The following PRDM10 variants were observed in gnomAD, a reference collection of about 807,000 sequenced individuals.
PRDM10 encodes the protein PR domain zinc finger protein 10.
Under a neutral mutation model 133.1 loss-of-function variants are expected in PRDM10, and 65 were observed. The observed-to-expected ratio is 0.49, with a 90% CI of 0.40 to 0.60. The LOEUF (loss-of-function observed/expected upper bound fraction) is 0.60, where lower values mean the gene tolerates loss of function less well. Among genes scored for constraint, PRDM10 ranks in the 20% least tolerant of loss-of-function variants. The pLI is 0.00. For synonymous variants in PRDM10, 582 were observed against 580.4 expected, an observed-to-expected ratio of 1.00 and a Z score of -0.04; for missense variants, 1,137 against 1,507.1, an observed-to-expected ratio of 0.75 and a Z score of 4.07.
rs1951439729 is a variant in PRDM10 at position 129,947,086 on chromosome 11, G to A, written c.520+59C>T. On this transcript the variant is annotated intron_variant, in intron 5 of 20. Coordinates refer to ENST00000360871, the MANE Select transcript of PRDM10 (RefSeq NM_199437.2). The surrounding 1 kb of genome is among the most constrained non-coding windows in gnomAD (Gnocchi z 4.6). ...GAGCTATGTTCACACACACGCACAC[G>A]TACACAGACACACAAGATGGACACA... 1.1e-5 allele frequency: 17 copies of A among 1,592,400 alleles called. No individual in the cohort carries two copies. Among genetic ancestry groups the A allele is most frequent in the Admixed American group, 3.4e-5 (2 of 59,110 alleles).
At position 129,942,579 on chromosome 11, in the gene PRDM10, T is replaced by C. The variant is rs749592775; in HGVS notation, c.813A>G (p.Leu271=). 6.8e-6 allele frequency: 11 copies of C among 1,613,956 alleles called. No individual in the cohort carries two copies. The highest frequency in any genetic ancestry group is 2.7e-5 in the African/African-American group (2 of 74,870). Residue 271 remains leucine (L), a synonymous_variant, in exon 7 of 21, where the codon CTA becomes CTG. Transcript: ENST00000360871. ...DRKERDLHED[L]WFELSDETLC... Reference sequence around the variant, plus strand: ...GCGTCTCATCAGACAACTCAAACCATAGGTCTTCATGTAAATCCCTTTCTT... The same window carrying C: ...GCGTCTCATCAGACAACTCAAACCACAGGTCTTCATGTAAATCCCTTTCTT...
intron 11 of PRDM10, among the ~76,000 whole-genome samples, chr11:129,930,142 G>C (rs139890350): frequency 2.9e-3 from 437 of 152,290 alleles, no homozygotes; most frequent in African/African-American, 9.7e-3. Flanking sequence ...CAAATAAGAA[G>C]ACCAAAAGAA....
chr11:130,001,753 A>T (rs1939395452), intron 1 of PRDM10, among the ~76,000 whole-genome samples: 1 of 152,182 alleles, frequency 6.6e-6, no homozygotes, highest in African/African-American at 2.4e-5. Flanking sequence ...GCTTAACAAA[A>T]GCTGGCGAGG....
chr11:129,927,374 A>G (rs10791058), intron 11 of PRDM10, among the ~76,000 whole-genome samples: 77,981 of 151,760 alleles, frequency 0.51, 20,605 homozygotes, highest in East Asian at 0.75. Context: ...CTGATGAACC[A>G]ATACTATTGT....
At chr11:129,922,104 T>A (rs1366172980) in intron 13 of PRDM10, among the ~76,000 whole-genome samples, 7 of 152,224 alleles carry the variant, frequency 4.6e-5, no homozygotes, top group Admixed American at 4.6e-4. Context: ...AAGTTCTTAG[T>A]CCTGTAAGAA....
intron 4 of PRDM10, 67 bp downstream of exon 4, chr11:129,955,445 A>C: frequency 6.8e-7 from 1 of 1,478,060 alleles, no homozygotes. Context: ...GTGCAAAGGG[A>C]TGGGGCATTC....
chr11:129,963,684 C>T (rs918915615), intron 1 of PRDM10, among the ~76,000 whole-genome samples: 2 of 151,994 alleles, frequency 1.3e-5, no homozygotes, highest in Non-Finnish European at 2.9e-5. Flanking sequence ...AACACAATGC[C>T]CCTTTCCCCC....
intron 1 of PRDM10, among the ~76,000 whole-genome samples, chr11:129,974,616 C>T (rs1937652390): frequency 2.0e-5 from 3 of 152,140 alleles, no homozygotes; most frequent in Non-Finnish European, 4.4e-5. Context: ...AGATCATTCC[C>T]ATGAGCAAGA....
At position 129,924,139 on chromosome 11, in the gene PRDM10, G is replaced by A. The variant is rs566169879; in HGVS notation, c.1879-736C>T. Reference sequence around the variant, plus strand: ...TAAGATAGTTTGCTTCATTATTTTTGGAGTTTCTTTTGCCATTAAATTATG... The same window carrying A: ...TAAGATAGTTTGCTTCATTATTTTTAGAGTTTCTTTTGCCATTAAATTATG... On this transcript the variant is annotated intron_variant, in intron 12 of 20. Transcript: ENST00000360871. Among the ~76,000 whole-genome samples, 198 of 152,252 alleles carry A rather than the reference G, an allele frequency of 1.3e-3. 1 individual carries two copies. The highest frequency in any genetic ancestry group is 4.6e-3 in the African/African-American group (190 of 41,532).
intron 1 of PRDM10, among the ~76,000 whole-genome samples, chr11:129,996,930 G>A (rs955846621): frequency 6.6e-6 from 1 of 152,128 alleles, no homozygotes; most frequent in Non-Finnish European, 1.5e-5. Flanking sequence ...CTAGTTGAAA[G>A]AGTTGATAAG....
intron 1 of PRDM10, among the ~76,000 whole-genome samples, chr11:130,000,387 T>C (rs1270455424): frequency 6.6e-6 from 1 of 152,102 alleles, no homozygotes; most frequent in African/African-American, 2.4e-5. Context: ...TTCTTAAAAC[T>C]AGAAGGAAAA....
At chr11:129,988,755 G>A (rs564675657) in intron 1 of PRDM10, among the ~76,000 whole-genome samples, 8 of 151,956 alleles carry the variant, frequency 5.3e-5, no homozygotes, top group Admixed American at 6.6e-5. Context: ...TCAGCCTCCC[G>A]AGTAGCTGGA....
At position 129,902,411 on chromosome 11, in the gene PRDM10, C is replaced by A. The variant is rs141941473; in HGVS notation, c.3373G>T (p.Asp1125Tyr). The A allele has an allele frequency of 9.3e-6, 15 of 1,614,094 alleles. No homozygotes were observed. The highest frequency in any genetic ancestry group is 3.3e-4 in the Middle Eastern group (2 of 6,062). ...TGCTGTTGGCTGTTGGTCTGGGGGT[C>A]CAGGGAGTCACTGTGTGCAGGTGGC... Reference protein sequence around the residue: ...VEPPAHSDSLDPQTNSQQQTT... With the variant: ...VEPPAHSDSLYPQTNSQQQTT... Residue 1125 changes from aspartate (D) to tyrosine (Y), a missense_variant, in exon 21 of 21, where the codon GAC (aspartate) becomes TAC (tyrosine). This residue lies in a region of PRDM10 where 243 missense variants were observed against 259.2 expected (regional missense o/e 0.94). Transcript: ENST00000360871.
At chr11:129,940,721 T>C (rs1016129340) in intron 7 of PRDM10, among the ~76,000 whole-genome samples, 1 of 152,230 alleles carries the variant, frequency 6.6e-6, no homozygotes, top group Non-Finnish European at 1.5e-5. Flanking sequence ...TTTTTTTTAC[T>C]ATTTGTTTCC....
chr11:129,903,292 C>T (rs910040967), intron 20 of PRDM10, among the ~76,000 whole-genome samples: 11 of 77,504 alleles, frequency 1.4e-4, no homozygotes, highest in African/African-American at 4.5e-4. Flanking sequence ...GAGCGAAACT[C>T]CGTCTCAAAA....
chr11:129,958,023 C>T, intron 2 of PRDM10, 113 bp from the exon 3 acceptor site: 1 of 1,213,908 alleles, frequency 8.2e-7, no homozygotes, highest in South Asian at 1.5e-5. Context: ...GATGGATACA[C>T]CTTTGTCTAC....
chr11:129,981,522 G>A (rs1254910728), intron 1 of PRDM10, among the ~76,000 whole-genome samples: 1 of 152,040 alleles, frequency 6.6e-6, no homozygotes, highest in Non-Finnish European at 1.5e-5. Flanking sequence ...GTATGCTGTG[G>A]ACACCTTTTC....
chr11:129,932,831 T>C (rs1436203428), intron 9 of PRDM10, among the ~76,000 whole-genome samples: 1 of 152,158 alleles, frequency 6.6e-6, no homozygotes, highest in Non-Finnish European at 1.5e-5. Flanking sequence ...AGTGATGTAA[T>C]CATGGCTCAC....
intron 19 of PRDM10, among the ~76,000 whole-genome samples, chr11:129,909,548 T>C (rs534570691): frequency 1.3e-5 from 2 of 152,126 alleles, no homozygotes; most frequent in Admixed American, 1.3e-4. Context: ...GGATCAATCA[T>C]GACAAAGACG....
Sources: allele counts gnomAD v4.1 joint callset (sites outside exome capture counted in the v4.1 genomes callset), GRCh38; gene constraint gnomAD v4.1.1; regional missense constraint gnomAD v4.1.1; non-coding constraint Gnocchi (gnomAD v3.1); transcripts MANE v1.5; gene names NCBI Gene and HGNC (gene_info 2026-07-23, HGNC 2026-07-21).